KIAA0825: variants seen among roughly 807,000 people sequenced by gnomAD.
KIAA0825 encodes KIAA0825.
A neutral mutation model predicts 147.6 loss-of-function variants in KIAA0825; 119 were observed. The ratio of observed to expected loss-of-function variants is 0.81; its 90% confidence interval spans 0.69 to 0.94. The LOEUF (loss-of-function observed/expected upper bound fraction) is 0.94, where lower values mean the gene tolerates loss of function less well. Among genes scored for constraint, KIAA0825 ranks in the 40% least tolerant of loss-of-function variants. The pLI is 0.00. For missense variants in KIAA0825, 1,381 were observed against 1,472.7 expected (o/e 0.94, Z 1.02); for synonymous variants, 470 against 518.1 (o/e 0.91, Z 1.26).
intron 2 of KIAA0825, among the ~76,000 whole-genome samples, chr5:94,539,282 C>T (rs1284747816): frequency 6.6e-6 from 1 of 152,152 alleles, no homozygotes; most frequent in African/African-American, 2.4e-5. Flanking sequence ...AAATGGGCAA[C>T]CAGCAGCCCA....
rs555576331 is a variant in KIAA0825, at chr5:94,396,444, A to G, written c.2953T>C (p.Cys985Arg). 3.9e-6 allele frequency: 6 copies of G among 1,544,052 alleles called. No homozygotes were observed. The highest frequency in any genetic ancestry group is 4.4e-6 in the Non-Finnish European group (5 of 1,143,606). The change falls in exon 17 of 21, where the codon TGT becomes CGT. Residue 985 changes from cysteine to arginine, a missense_variant. Cys to Arg is a radical substitution (Grantham distance 180). Coordinates refer to ENST00000682413, the MANE Select transcript of KIAA0825 (RefSeq NM_001145678.3). ...VISKLPTVIA[C>R]LPPPVKYFFF... ...AAGTATTTAACTGGGGGAGGCAAAC[A>G]TGCAATCACCGTAGGTAACTTGCTG... is the stretch of plus-strand genomic sequence containing the variant.
chr5:94,210,448 G>A (rs1583859847), intron 20 of KIAA0825, among the ~76,000 whole-genome samples: 1 of 152,126 alleles, frequency 6.6e-6, no homozygotes, highest in East Asian at 1.9e-4. Context: ...AAGCAAATGA[G>A]GAAATGTAAC....
chr5:94,247,010 C>G (rs1477612593), intron 20 of KIAA0825, among the ~76,000 whole-genome samples: 2 of 152,148 alleles, frequency 1.3e-5, no homozygotes, highest in Admixed American at 6.6e-5. Flanking sequence ...TCTTCATTCT[C>G]TTCATCTTCA....
chr5:94,616,466 C>T (rs1218497461), intron 1 of KIAA0825, among the ~76,000 whole-genome samples: 1 of 151,990 alleles, frequency 6.6e-6, no homozygotes, highest in Non-Finnish European at 1.5e-5. Flanking sequence ...GCTAATAATT[C>T]CTTATAAATC....
At chr5:94,538,537 C>A (rs1441278020) in intron 2 of KIAA0825, among the ~76,000 whole-genome samples, 2 of 152,206 alleles carry the variant, frequency 1.3e-5, no homozygotes, top group Non-Finnish European at 2.9e-5. Flanking sequence ...AGCTGTATGC[C>A]ATGAACGGAG....
chr5:94,403,524 TG>T (rs1249044591), intron 16 of KIAA0825, 44 bp downstream of exon 16: 2 of 1,407,120 alleles, frequency 1.4e-6, no homozygotes, highest in Non-Finnish European at 9.8e-7. Flanking sequence ...CCTAGAAAAT[TG>T]CTTCTTCAGG....
chr5:94,607,621 A>T (rs1787736962), intron 1 of KIAA0825, among the ~76,000 whole-genome samples: 1 of 152,118 alleles, frequency 6.6e-6, no homozygotes, highest in Non-Finnish European at 1.5e-5. Context: ...AAACAAACAA[A>T]CAAACAAACA....
chr5:94,237,910 CT>C (rs1235530922), intron 20 of KIAA0825, among the ~76,000 whole-genome samples: 1 of 152,152 alleles, frequency 6.6e-6, no homozygotes, highest in East Asian at 1.9e-4. Context: ...TTTGAGTCTT[CT>C]GTATTCACTG....
intron 20 of KIAA0825, among the ~76,000 whole-genome samples, chr5:94,371,474 T>C (rs1746698045): frequency 6.6e-6 from 1 of 152,174 alleles, no homozygotes; most frequent in Non-Finnish European, 1.5e-5. Context: ...TCAGGAAACT[T>C]ACAATCATGA....
At chr5:94,289,976 A>T (rs1220053233) in intron 20 of KIAA0825, among the ~76,000 whole-genome samples, 1 of 151,976 alleles carries the variant, frequency 6.6e-6, no homozygotes, top group African/African-American at 2.4e-5. Context: ...TAGTTCACAG[A>T]GTCTTGGAAT....
chr5:94,334,797 TA>T (rs1387269298), intron 20 of KIAA0825, among the ~76,000 whole-genome samples: 2 of 152,220 alleles, frequency 1.3e-5, no homozygotes, highest in Non-Finnish European at 2.9e-5. Flanking sequence ...AACTACTTTT[TA>T]AAGTCTAGCT....
chr5:94,520,197 C>A (rs780404910), intron 5 of KIAA0825, 51 bp downstream of exon 5: 22 of 1,453,500 alleles, frequency 1.5e-5, no homozygotes, highest in Non-Finnish European at 1.9e-5. Context: ...GAAAATTAAA[C>A]ATATTAAAAG....
At chr5:94,497,574 C>T (rs2151100167) in intron 5 of KIAA0825, among the ~76,000 whole-genome samples, 2 of 152,148 alleles carry the variant, frequency 1.3e-5, no homozygotes, top group Middle Eastern at 3.4e-3. Flanking sequence ...GTAAAACAAA[C>T]AAACAAAAAA....
intron 20 of KIAA0825, among the ~76,000 whole-genome samples, chr5:94,370,946 G>A (rs567674255): frequency 4.6e-5 from 7 of 151,718 alleles, no homozygotes; most frequent in African/African-American, 9.7e-5. Context: ...ACAAAAAAAC[G>A]TAGTGTCATA....
intron 20 of KIAA0825, among the ~76,000 whole-genome samples, chr5:94,310,698 G>T (rs1779087170): frequency 1.3e-5 from 2 of 151,614 alleles, no homozygotes; most frequent in Admixed American, 6.6e-5. Context: ...GAATGATGTA[G>T]TAAAAATATA....
rs757686725 is a variant in KIAA0825 at position 94,537,042 on chromosome 5, G to C, written c.85C>G (p.Gln29Glu). 2 of 1,606,166 alleles carry C rather than the reference G, an allele frequency of 1.2e-6. No homozygotes were observed. The highest frequency in any genetic ancestry group is 1.7e-6 in the Non-Finnish European group (2 of 1,173,374). The change falls in exon 3 of 21, where the codon CAG becomes GAG. Residue 29 changes from glutamine to glutamate, a missense_variant. Physicochemically the swap from Gln to Glu is conservative, Grantham distance 29. Transcript: ENST00000682413. Reference protein sequence around the residue: ...NSFPGDLEFEQIFSDIDEKIE... With the variant: ...NSFPGDLEFEEIFSDIDEKIE... ...TTTTCATCAATGTCACTGAAGATCT[G>C]CTCAAACTCCAAGTCTCCAGGAAAT...
intron 2 of KIAA0825, among the ~76,000 whole-genome samples, chr5:94,552,922 A>G (rs187637241): frequency 6.6e-6 from 1 of 152,314 alleles, no homozygotes. Flanking sequence ...TTACAGCTAG[A>G]TAGGAGGAAT....
At chr5:94,165,259 C>T (rs974222167) in intron 20 of KIAA0825, among the ~76,000 whole-genome samples, 1 of 152,070 alleles carries the variant, frequency 6.6e-6, no homozygotes, top group African/African-American at 2.4e-5. Context: ...TGAAAAGGTG[C>T]TCAGCATCAT....
At chr5:94,272,903 T>C (rs1320836167) in intron 20 of KIAA0825, among the ~76,000 whole-genome samples, 1 of 152,220 alleles carries the variant, frequency 6.6e-6, no homozygotes, top group African/African-American at 2.4e-5. Flanking sequence ...AAGGCCTCCT[T>C]CTGTCTTGTT....
Sources: gnomAD v4.1 joint callset for allele counts (sites outside exome capture counted in the v4.1 genomes callset) on GRCh38, gnomAD v4.1.1 for gene constraint, MANE v1.5 for transcripts, NCBI Gene and HGNC (gene_info 2026-07-23, HGNC 2026-07-21) for gene names.